Variants in METTL24 observed in about 807,000 individuals in gnomAD.
METTL24 encodes methyltransferase like 24.
Under a neutral mutation model 32.7 loss-of-function variants are expected in METTL24, and 29 were observed. That is an observed-to-expected ratio of 0.89 (90% CI 0.66 to 1.21). The LOEUF (loss-of-function observed/expected upper bound fraction) is 1.21. METTL24 is among the 50% of genes most tolerant of loss of function. The probability of loss-of-function intolerance (pLI) is 0.00; values close to 1 mark genes in which losing one functional copy is unlikely to be tolerated. For synonymous variants in METTL24, 163 were observed against 179.5 expected (o/e 0.91, Z 0.73); for missense variants, 439 against 468.1 (o/e 0.94, Z 0.57).
At chr6:110,331,920 C>T (rs1008508344) in intron 1 of METTL24, among the ~76,000 whole-genome samples, 2 of 152,160 alleles carry the variant, frequency 1.3e-5, no homozygotes, top group African/African-American at 2.4e-5. Flanking sequence ...AGAGCCAGCC[C>T]GTCCCATAGG....
rs1644141431 is a variant in METTL24, at chr6:110,281,510, T to C, written c.786+17412A>G. Among the ~76,000 whole-genome samples, 4 of 143,118 alleles carry C rather than the reference T, an allele frequency of 2.8e-5. No individual in the cohort carries two copies. The South Asian group carries it at 9.1e-4, about 32-fold the overall frequency. The allele number at this position is 143,118 out of a possible 152,430, so 93.9% of individuals were successfully genotyped here. A position where few individuals can be genotyped will look rare whatever the true frequency, so the allele number is the denominator to read the frequency against. ...ACAAAAATTAGCCGGGTGTGGTGGC[T>C]CACACCTGTAATCCCAGCCACTAAG... On this transcript the variant is annotated intron_variant, in intron 4 of 4. Coordinates refer to ENST00000338882, the MANE Select transcript of METTL24 (RefSeq NM_001123364.3).
At chr6:110,347,347 T>C (rs1772497407) in intron 1 of METTL24, among the ~76,000 whole-genome samples, 1 of 152,148 alleles carries the variant, frequency 6.6e-6, no homozygotes, top group Non-Finnish European at 1.5e-5. Flanking sequence ...GAGAATTAAA[T>C]GAAAAAATAT....
At chr6:110,256,776 T>G (rs1183903266) in intron 4 of METTL24, among the ~76,000 whole-genome samples, 2 of 152,238 alleles carry the variant, frequency 1.3e-5, no homozygotes, top group Non-Finnish European at 2.9e-5. Flanking sequence ...GGTCTTGATT[T>G]TCAACTCTTT....
At chr6:110,276,192 A>G (rs536606759) in intron 4 of METTL24, among the ~76,000 whole-genome samples, 2 of 152,312 alleles carry the variant, frequency 1.3e-5, no homozygotes, top group East Asian at 3.9e-4. Flanking sequence ...CAGCACTTTA[A>G]GAGGCCAAGG....
At chr6:110,303,542 C>G (rs1381817086) in intron 3 of METTL24, among the ~76,000 whole-genome samples, 1 of 152,200 alleles carries the variant, frequency 6.6e-6, no homozygotes, top group Non-Finnish European at 1.5e-5. Context: ...GTAAACAAAG[C>G]CTCTGGGAAG....
rs1029341930 is a variant in METTL24 at position 110,296,773 on chromosome 6, G to T, written c.786+2149C>A. 3.3e-5 allele frequency among the ~76,000 whole-genome samples: 5 copies of T among 152,306 alleles called. No homozygotes were observed. The South Asian group carries it at 1.0e-3, about 32-fold the overall frequency. Reference sequence around the variant, plus strand: ...AGAATAAATGAGTGAAGGTGTGAAGGCAGAAACGCTGACATTTGTTAGCGT... The same window carrying T: ...AGAATAAATGAGTGAAGGTGTGAAGTCAGAAACGCTGACATTTGTTAGCGT... On this transcript the variant is annotated intron_variant, in intron 4 of 4. Coordinates refer to ENST00000338882, the MANE Select transcript of METTL24 (RefSeq NM_001123364.3).
chr6:110,247,168 T>C (rs1223793125), intron 4 of METTL24, among the ~76,000 whole-genome samples: 2 of 152,240 alleles, frequency 1.3e-5, no homozygotes, highest in African/African-American at 2.4e-5. Flanking sequence ...CAAGTAGTTA[T>C]ATGTGCCTGA....
rs1029039902 is a variant in METTL24 at position 110,290,165 on chromosome 6, C to G, written c.786+8757G>C. Among the ~76,000 whole-genome samples, 24 of 152,112 alleles carry G rather than the reference C, an allele frequency of 1.6e-4. No homozygotes were observed. The South Asian group carries it at 2.1e-3, about 13-fold the overall frequency. ...TCCTGGCCTCAAGAGATCCACCCCC[C>G]CTCAGCCTCCCAAAGTGCTGGGATT... On this transcript the variant is annotated intron_variant, in intron 4 of 4. Transcript: ENST00000338882.
At chr6:110,252,135 C>T (rs1778292559) in intron 4 of METTL24, among the ~76,000 whole-genome samples, 1 of 152,108 alleles carries the variant, frequency 6.6e-6, no homozygotes, top group African/African-American at 2.4e-5. Context: ...TAGAGCAAAA[C>T]TCTTCCTTAA....
intron 4 of METTL24, among the ~76,000 whole-genome samples, chr6:110,284,096 GAAAT>G (rs1293489300): frequency 6.6e-6 from 1 of 152,142 alleles, no homozygotes; most frequent in Non-Finnish European, 1.5e-5. Context: ...TATGCAAAGT[GAAAT>G]AAACTACACA....
chr6:110,307,649 C>A (rs117970257), intron 3 of METTL24, among the ~76,000 whole-genome samples: 435 of 152,284 alleles, frequency 2.9e-3, no homozygotes, highest in Non-Finnish European at 5.0e-3. Flanking sequence ...TTTACAGCTA[C>A]ATGGAAGGCT....
At chr6:110,286,865 C>T (rs554926514) in intron 4 of METTL24, among the ~76,000 whole-genome samples, 2 of 152,294 alleles carry the variant, frequency 1.3e-5, no homozygotes, top group South Asian at 4.1e-4. Context: ...CTGGCCTAGC[C>T]GGATGCTTCA....
At chr6:110,295,850 T>C (rs1771408062) in intron 4 of METTL24, among the ~76,000 whole-genome samples, 2 of 115,624 alleles carry the variant, frequency 1.7e-5, no homozygotes, top group Admixed American at 1.6e-4. Context: ...AGGTTCTCTA[T>C]AAAATGTACT....
chr6:110,254,947 T>C (rs1220493593), intron 4 of METTL24, among the ~76,000 whole-genome samples: 2 of 152,200 alleles, frequency 1.3e-5, no homozygotes, highest in Non-Finnish European at 2.9e-5. Context: ...ATTAATCTAT[T>C]GTGAATGTGA....
intron 4 of METTL24, among the ~76,000 whole-genome samples, chr6:110,275,024 CCTG>C (rs1562222800): frequency 6.6e-6 from 1 of 151,598 alleles, no homozygotes; most frequent in Non-Finnish European, 1.5e-5. Flanking sequence ...GTCTCAAACT[CCTG>C]GGCTCAAGTG....
chr6:110,294,078 A>G (rs1402496272), intron 4 of METTL24, among the ~76,000 whole-genome samples: 1 of 152,110 alleles, frequency 6.6e-6, no homozygotes, highest in Non-Finnish European at 1.5e-5. Context: ...TCACATACAC[A>G]GATAGATTTA....
intron 4 of METTL24, among the ~76,000 whole-genome samples, chr6:110,253,060 C>T (rs757800557): frequency 2.2e-4 from 34 of 152,128 alleles, no homozygotes; most frequent in Admixed American, 1.5e-3. Flanking sequence ...GGCGTTCAAG[C>T]GTAGGCCGTA....
At chr6:110,339,890 A>C (rs1036485116) in intron 1 of METTL24, among the ~76,000 whole-genome samples, 8 of 152,352 alleles carry the variant, frequency 5.3e-5, no homozygotes, top group African/African-American at 1.7e-4. Context: ...AGAAGATGCC[A>C]GAGTAATGTT....
Position 110,298,905 on chromosome 6 carries a change from CA to C in METTL24, c.786+16del. On this transcript the variant is annotated intron_variant, in intron 4 of 4. Transcript: ENST00000338882. The stretch of plus-strand genomic sequence containing the variant: ...TGTTTACTTTATTCAAGTATAAAAT[CA>C]AATGAAAAACCTCACCTTGTGATGT... The C allele has an allele frequency of 6.2e-7, 1 of 1,607,998 alleles. No individual in the cohort carries two copies. Among genetic ancestry groups the C allele is most frequent in the Non-Finnish European group, 8.5e-7 (1 of 1,174,960 alleles).
Sources: gnomAD v4.1 joint callset for allele counts (sites outside exome capture counted in the v4.1 genomes callset) on GRCh38, gnomAD v4.1.1 for gene constraint, MANE v1.5 for transcripts, NCBI Gene and HGNC (gene_info 2026-07-23, HGNC 2026-07-21) for gene names.